SPAG17: variants seen among roughly 807,000 people sequenced by gnomAD.
SPAG17 encodes the protein sperm-associated antigen 17.
A neutral mutation model predicts 273.6 loss-of-function variants in SPAG17; 169 were observed. The observed-to-expected ratio is 0.62, with a 90% CI of 0.55 to 0.70. The LOEUF (loss-of-function observed/expected upper bound fraction) is 0.70. Ranked by LOEUF, SPAG17 falls within the 30% of genes least tolerant of loss-of-function variation. The probability of loss-of-function intolerance (pLI) is 0.00; values close to 1 mark genes in which losing one functional copy is unlikely to be tolerated. For missense variants in SPAG17, 2,557 were observed against 2,627.8 expected (o/e 0.97, Z 0.59); for synonymous variants, 825 against 873.2 (o/e 0.94, Z 0.97).
At chr1:117,999,000 TCCC>T (rs1557886501) in intron 32 of SPAG17, among the ~76,000 whole-genome samples, 1 of 147,362 alleles carries the variant, frequency 6.8e-6, no homozygotes, top group Non-Finnish European at 1.5e-5. Flanking sequence ...CCCCCGACAG[TCCC>T]CCATGTGTGA....
rs778961486 is a variant in SPAG17, at chr1:118,081,089, A to ACT, written c.2209+10_2209+11dup. ...CACACACACACACACACACACACAC[A>ACT]CTTTAACTTACCCAGAGACTCATGT... On this transcript the variant is annotated intron_variant, in intron 15 of 48. Transcript: ENST00000336338. 6.4e-7 allele frequency: 1 copy of ACT among 1,556,350 alleles called. No individual in the cohort carries two copies. Among genetic ancestry groups the ACT allele is most frequent in the Admixed American group, 1.7e-5 (1 of 59,774 alleles).
At chr1:118,135,975 T>G (rs1303487245) in intron 3 of SPAG17, among the ~76,000 whole-genome samples, 2 of 152,188 alleles carry the variant, frequency 1.3e-5, no homozygotes, top group African/African-American at 4.8e-5. Flanking sequence ...CGAGGTACTG[T>G]CATTAATAAC....
In SPAG17 at chr1:118,113,884, T is replaced by C. The variant is rs546525281; in HGVS notation, c.447+1426A>G. Among the ~76,000 whole-genome samples, 198 of 152,272 alleles carry C rather than the reference T, an allele frequency of 1.3e-3. 2 individuals are homozygous for C. In the South Asian group the frequency reaches 0.016, roughly 12 times the overall value. On this transcript the variant is annotated intron_variant, in intron 4 of 48. Transcript: ENST00000336338. ...AAACGTTTTCCAAGCTACTAGAATA[T>C]TTTATTTGCTTTTACTTAAAATTTG...
rs750415665 is a variant in SPAG17, at chr1:118,055,848, C to T, written c.2607G>A (p.Gln869=). 2 of 1,612,712 alleles carry T rather than the reference C, an allele frequency of 1.2e-6. No homozygotes were observed. Among genetic ancestry groups the T allele is most frequent in the Non-Finnish European group, 1.7e-6 (2 of 1,179,410 alleles). Residue 869 remains glutamine (Q), a synonymous_variant, in exon 19 of 49, where the codon CAG becomes CAA. Transcript: ENST00000336338. ...TGATTTTCTCATTCATTTTAGATTC[C>T]TGATATATAGCTTCTTCTTTTGTAA... ...DWITKEEAIY[Q]ESKMNEKIIR... is the part of the protein sequence containing the mutation.
At chr1:118,146,146 GATA>G (rs1288087391) in intron 3 of SPAG17, among the ~76,000 whole-genome samples, 1 of 152,132 alleles carries the variant, frequency 6.6e-6, no homozygotes, top group Admixed American at 6.5e-5. Context: ...TTACCAAAGT[GATA>G]ATGTCAAACC....
intron 39 of SPAG17, 68 bp from the exon 40 acceptor site, chr1:117,987,949 A>C (rs1233917874): frequency 4.5e-6 from 7 of 1,556,024 alleles, no homozygotes. Flanking sequence ...AAAACCAAAA[A>C]CCCTCACCAC....
rs775907564 is a variant in SPAG17, at chr1:118,041,941, C to CTTTCTTT, written c.2915_2916insAAAGAAA (p.Asp973LysfsTer4). ...TACTATCCTCTTTCTCTGCGTTATCCTTGCCTTTCTTTTTACCAGCTTCTT... is the reference window on the plus strand; with the variant it reads ...TACTATCCTCTTTCTCTGCGTTATCCTTTCTTTTTGCCTTTCTTTTTACCAGCTTCTT... On this transcript the variant is annotated frameshift_variant, in exon 21 of 49. Transcript: ENST00000336338. LOFTEE classifies it high-confidence loss of function. 5 of 1,613,698 alleles carry CTTTCTTT rather than the reference C, an allele frequency of 3.1e-6. No homozygotes were observed. In the African/African-American group the frequency reaches 6.7e-5, roughly 22 times the overall value.
rs1647629641 is a variant in SPAG17 at position 118,025,429 on chromosome 1, T to G, written c.3731-13A>C. The G allele has an allele frequency of 6.6e-7, 1 of 1,514,546 alleles. No homozygotes were observed. The allele number at this position is 1,514,546 out of a possible 1,614,324, so 93.8% of individuals were successfully genotyped here. ...ATAACATATTGACCTAAAAAAAGAA[T>G]AAAGCCTTCTTGTGAACTGGACAAT... On this transcript the variant is annotated splice_polypyrimidine_tract_variant and intron_variant, in intron 26 of 48. Coordinates refer to ENST00000336338, the MANE Select transcript of SPAG17 (RefSeq NM_206996.4).
intron 28 of SPAG17, among the ~76,000 whole-genome samples, chr1:118,019,451 C>T (rs1481266342): frequency 6.6e-6 from 1 of 151,362 alleles, no homozygotes; most frequent in Non-Finnish European, 1.5e-5. Flanking sequence ...CTCAGAGAAC[C>T]AAAGCATAGA....
At chr1:118,080,128 C>T (rs1654423162) in intron 15 of SPAG17, among the ~76,000 whole-genome samples, 2 of 152,052 alleles carry the variant, frequency 1.3e-5, no homozygotes, top group Non-Finnish European at 2.9e-5. Context: ...TGGTCTTGAA[C>T]TCCTGGCCTC....
intron 24 of SPAG17, among the ~76,000 whole-genome samples, chr1:118,032,874 T>A (rs1648639731): frequency 6.6e-6 from 1 of 152,186 alleles, no homozygotes; most frequent in African/African-American, 2.4e-5. Context: ...ATTACAGACA[T>A]GAACCACCAT....
chr1:117,962,698 T>G (rs1329203196), intron 48 of SPAG17: 2 of 152,256 alleles, frequency 1.3e-5, no homozygotes, highest in African/African-American at 4.8e-5. Context: ...TATTTGGTAT[T>G]AAATTGTTTC....
intron 15 of SPAG17, among the ~76,000 whole-genome samples, chr1:118,080,421 G>A (rs1198654519): frequency 6.6e-6 from 1 of 152,174 alleles, no homozygotes; most frequent in Non-Finnish European, 1.5e-5. Context: ...AGAACACAGA[G>A]TGTGTGAGCA....
intron 17 of SPAG17, among the ~76,000 whole-genome samples, chr1:118,069,783 T>G (rs1347351542): frequency 6.6e-6 from 1 of 152,152 alleles, no homozygotes; most frequent in Non-Finnish European, 1.5e-5. Context: ...CTTGAGGCAC[T>G]TCCATATTAG....
At chr1:117,981,159 C>G (rs1292056389) in intron 43 of SPAG17, 111 bp downstream of exon 43, 33 of 1,201,436 alleles carry the variant, frequency 2.7e-5, no homozygotes, top group Admixed American at 8.8e-5. Flanking sequence ...CCGTGACCCT[C>G]TCGATTTTTT....
At chr1:118,025,439 T>C (rs1647631966) in intron 26 of SPAG17, 23 bp from the exon 27 acceptor site, 1 of 1,494,872 alleles carries the variant, frequency 6.7e-7, no homozygotes, top group East Asian at 2.4e-5. Flanking sequence ...TAAAGCCTTC[T>C]TGTGAACTGG....
intron 2 of SPAG17, 124 bp from the exon 3 acceptor site, chr1:118,150,753 C>A: frequency 1.8e-6 from 1 of 552,912 alleles, no homozygotes; most frequent in Non-Finnish European, 3.2e-6. Flanking sequence ...AAGAGGTACC[C>A]ATGAATTAGG....
intron 3 of SPAG17, among the ~76,000 whole-genome samples, chr1:118,127,607 G>A (rs1657812634): frequency 6.6e-6 from 1 of 152,132 alleles, no homozygotes; most frequent in South Asian, 2.1e-4. Flanking sequence ...ATTTGGGTAG[G>A]GACAAATATC....
At chr1:118,125,562 C>T (rs754218646) in intron 3 of SPAG17, among the ~76,000 whole-genome samples, 17 of 152,052 alleles carry the variant, frequency 1.1e-4, no homozygotes, top group Non-Finnish European at 1.6e-4. Context: ...GTAATAATTG[C>T]GACTCCACTC....
Sources: gnomAD v4.1 joint callset for allele counts (sites outside exome capture counted in the v4.1 genomes callset) on GRCh38, gnomAD v4.1.1 for gene constraint, MANE v1.5 for transcripts, NCBI Gene and HGNC (gene_info 2026-07-23, HGNC 2026-07-21) for gene names.